CNTN5: variants seen among roughly 807,000 people sequenced by gnomAD.
The protein encoded by CNTN5 is contactin 5, also known as contactin-5.
CNTN5 carries 77 observed loss-of-function variants against 129.1 expected under a neutral mutation model. That is an observed-to-expected ratio of 0.60 (90% confidence interval 0.50 to 0.72). CNTN5 has a LOEUF of 0.72. Ranked by LOEUF, CNTN5 falls within the 30% of genes least tolerant of loss-of-function variation. CNTN5 has a pLI of 0.00. For missense variants in CNTN5, 1,478 were observed against 1,328.8 expected (o/e 1.11, Z -1.75); for synonymous variants, 509 against 465.6 (o/e 1.09, Z -1.20).
At chr11:99,848,842 A>G (rs148827540) in intron 6 of CNTN5, among the ~76,000 whole-genome samples, 110 of 152,290 alleles carry the variant, frequency 7.2e-4, no homozygotes, top group Non-Finnish European at 1.4e-3. Flanking sequence ...TTCAAAGTCT[A>G]TTTTTGAGGT....
chr11:99,460,850 C>T (rs1021223359), intron 2 of CNTN5, among the ~76,000 whole-genome samples: 1 of 151,878 alleles, frequency 6.6e-6, no homozygotes, highest in African/African-American at 2.4e-5. Flanking sequence ...ATACATATAC[C>T]TCCCAAACGA....
At chr11:99,942,316 G>A (rs187291900) in intron 7 of CNTN5, among the ~76,000 whole-genome samples, 154 of 151,890 alleles carry the variant, frequency 1.0e-3, no homozygotes, top group African/African-American at 3.6e-3. Context: ...TGTGTTGTGT[G>A]GATGATGGAA....
chr11:99,716,233 C>T (rs534700496), intron 3 of CNTN5, among the ~76,000 whole-genome samples: 1 of 152,050 alleles, frequency 6.6e-6, no homozygotes, highest in East Asian at 1.9e-4. Context: ...AGTACTGTGC[C>T]CAAGGAAACC....
chr11:99,577,223 A>G (rs952567797), intron 3 of CNTN5, among the ~76,000 whole-genome samples: 5 of 152,142 alleles, frequency 3.3e-5, no homozygotes, highest in African/African-American at 1.2e-4. Context: ...AAGCAGGGAG[A>G]AATGTCCAGC....
chr11:100,300,122 A>G (rs1483674685), intron 20 of CNTN5, among the ~76,000 whole-genome samples: 10 of 151,502 alleles, frequency 6.6e-5, no homozygotes, highest in Non-Finnish European at 1.3e-4. Flanking sequence ...CGAGTAGACA[A>G]TATACCTATT....
In CNTN5 at chr11:99,690,637, C is replaced by CT. The variant is rs370178356; in HGVS notation, c.56-128906dup. Among the ~76,000 whole-genome samples, 630 of 152,168 alleles carry CT rather than the reference C, an allele frequency of 4.1e-3. 6 individuals are homozygous for CT. Among genetic ancestry groups the CT allele is most frequent in the African/African-American group, 0.013 (549 of 41,552 alleles). On this transcript the variant is annotated intron_variant, in intron 3 of 24. Transcript: ENST00000524871. ...GTTTTTCTACTTGTTTGTGTCATCT[C>CT]TAATTTCTCTGAGCAAGCAGTCATT...
intron 23 of CNTN5, among the ~76,000 whole-genome samples, chr11:100,347,452 T>G (rs1421142735): frequency 6.6e-6 from 1 of 152,166 alleles, no homozygotes; most frequent in Non-Finnish European, 1.5e-5. Context: ...AGGTTCATTA[T>G]AGTATCCTCT....
intron 1 of CNTN5, among the ~76,000 whole-genome samples, chr11:99,241,318 G>GTTTTTTTTTTTTTT (rs10648459): frequency 2.3e-5 from 2 of 88,044 alleles, no homozygotes; most frequent in African/African-American, 8.7e-5. Flanking sequence ...TTGATTGTTG[G>GTTTTTTTTTTTTTT]TTTTTTTTTT....
intron 13 of CNTN5, among the ~76,000 whole-genome samples, chr11:100,140,358 G>T (rs372252710): frequency 1.3e-5 from 2 of 152,292 alleles, no homozygotes; most frequent in African/African-American, 4.8e-5. Flanking sequence ...TATGATAAAT[G>T]TAAAGAGGGG....
In CNTN5 at chr11:99,219,050, C is replaced by A. The variant is rs147634395; in HGVS notation, c.-209-106296C>A. ...AAAAATAACACCCATCTTATTATTG[C>A]CTTTGTTAATTTACCATTCATTGCA... On this transcript the variant is annotated intron_variant, in intron 1 of 24. Transcript: ENST00000524871. Among the ~76,000 whole-genome samples the A allele has an allele frequency of 4.2e-3, 645 of 151,980 alleles. 6 individuals are homozygous for A. Among genetic ancestry groups the A allele is most frequent in the African/African-American group, 0.013 (547 of 41,502 alleles).
chr11:99,380,323 A>G (rs1452538036), intron 2 of CNTN5, among the ~76,000 whole-genome samples: 1 of 152,174 alleles, frequency 6.6e-6, no homozygotes, highest in Non-Finnish European at 1.5e-5. Context: ...GTTTTATTTA[A>G]CTGCCTGATT....
At chr11:99,779,429 T>A (rs1693811800) in intron 3 of CNTN5, among the ~76,000 whole-genome samples, 1 of 152,006 alleles carries the variant, frequency 6.6e-6, no homozygotes, top group African/African-American at 2.4e-5. Context: ...TAGAGCCAAA[T>A]AGACTGACAA....
intron 9 of CNTN5, among the ~76,000 whole-genome samples, chr11:100,032,447 C>A (rs1941761865): frequency 6.6e-6 from 1 of 151,666 alleles, no homozygotes; most frequent in African/African-American, 2.4e-5. Flanking sequence ...TTGAAATGTT[C>A]TAGAGACAAA....
At chr11:100,081,819 T>C (rs1944377086) in intron 13 of CNTN5, among the ~76,000 whole-genome samples, 1 of 152,206 alleles carries the variant, frequency 6.6e-6, no homozygotes, top group African/African-American at 2.4e-5. Flanking sequence ...CTCAGTCCAG[T>C]TGAGCTTCAT....
intron 15 of CNTN5, among the ~76,000 whole-genome samples, chr11:100,212,792 G>A (rs565411056): frequency 1.2e-4 from 18 of 152,076 alleles, no homozygotes; most frequent in South Asian, 1.0e-3. Flanking sequence ...CCAATAACTT[G>A]AAATCATGAA....
rs552964349 is a variant in CNTN5 at position 99,263,925 on chromosome 11, T to C, written c.-209-61421T>C. On this transcript the variant is annotated intron_variant, in intron 1 of 24. Coordinates refer to ENST00000524871, the MANE Select transcript of CNTN5 (RefSeq NM_014361.4). Reference sequence around the variant, plus strand: ...ACCCGAAGCAAAATCCTGTGCATATTTGAGGTTAATAGTCTCTTAACTCAG... The same window carrying C: ...ACCCGAAGCAAAATCCTGTGCATATCTGAGGTTAATAGTCTCTTAACTCAG... Among the ~76,000 whole-genome samples the C allele has an allele frequency of 5.3e-5, 8 of 152,272 alleles. No homozygotes were observed. In the South Asian group the frequency reaches 1.4e-3, roughly 28 times the overall value.
chr11:99,627,669 C>T (rs1475917882), intron 3 of CNTN5, among the ~76,000 whole-genome samples: 1 of 151,890 alleles, frequency 6.6e-6, no homozygotes, highest in Non-Finnish European at 1.5e-5. Context: ...GCTCAGGTGG[C>T]ATTAATTACC....
intron 20 of CNTN5, among the ~76,000 whole-genome samples, chr11:100,307,550 G>A (rs976285958): frequency 1.3e-5 from 2 of 151,434 alleles, no homozygotes; most frequent in African/African-American, 2.4e-5. Context: ...GTCACTGAAT[G>A]TAGAAACAAA....
chr11:100,051,009 C>G (rs1942924370), intron 9 of CNTN5, among the ~76,000 whole-genome samples: 1 of 152,116 alleles, frequency 6.6e-6, no homozygotes, highest in Admixed American at 6.6e-5. Flanking sequence ...TAACACTCTT[C>G]TCTAGTAATT....
Sources: allele counts gnomAD v4.1 joint callset (sites outside exome capture counted in the v4.1 genomes callset), GRCh38; gene constraint gnomAD v4.1.1; transcripts MANE v1.5; gene names NCBI Gene and HGNC (gene_info 2026-07-23, HGNC 2026-07-21).